NET1: variants seen among roughly 807,000 people sequenced by gnomAD.
The protein encoded by NET1 is neuroepithelial cell-transforming gene 1 protein.
NET1 carries 42 observed loss-of-function variants against 61.1 expected under a neutral mutation model. That is an observed-to-expected ratio of 0.69 (90% CI 0.54 to 0.89). The LOEUF (loss-of-function observed/expected upper bound fraction) is 0.89. Ranked by LOEUF, NET1 falls within the 40% of genes least tolerant of loss-of-function variation. The pLI is 0.00. For synonymous variants in NET1, 254 were observed against 281.8 expected (o/e 0.90, Z 0.99); for missense variants, 654 against 747.3 (o/e 0.88, Z 1.46).
chr10:5,450,570 G>A (rs1832688072), intron 3 of NET1, among the ~76,000 whole-genome samples: 1 of 151,750 alleles, frequency 6.6e-6, no homozygotes, highest in African/African-American at 2.4e-5. Context: ...AGAAAAAGTT[G>A]CTTCTTCTGT....
At position 5,451,503 on chromosome 10, in the gene NET1, C is replaced by T. The variant is rs369606995; in HGVS notation, c.256-327C>T. Reference sequence around the variant, plus strand: ...TTCGAAAATTTTCATAACAATAAGGCTTTTTTTTAAAAAAAAAAAAAGTTA... The same window carrying T: ...TTCGAAAATTTTCATAACAATAAGGTTTTTTTTTAAAAAAAAAAAAAGTTA... On this transcript the variant is annotated intron_variant, in intron 3 of 11. Coordinates refer to ENST00000355029, the MANE Select transcript of NET1 (RefSeq NM_001047160.3). This position sits in a 1 kb window ranked among gnomAD's most constrained non-coding sequence, Gnocchi z 6.1. Among the ~76,000 whole-genome samples the T allele has an allele frequency of 7.6e-6, 1 of 131,364 alleles. No homozygotes were observed. 86.2% of individuals were successfully genotyped at this position (131,364 alleles called of 152,430 possible).
chr10:5,452,577 C>T lies in NET1; in HGVS notation c.531+52C>T. The T allele has an allele frequency of 6.5e-7, 1 of 1,535,580 alleles. No homozygotes were observed. The highest frequency in any genetic ancestry group is 8.8e-7 in the Non-Finnish European group (1 of 1,131,038). On this transcript the variant is annotated intron_variant, in intron 5 of 11. Transcript: ENST00000355029. This position sits in a 1 kb window ranked among gnomAD's most constrained non-coding sequence, Gnocchi z 4.0. ...TTCCCAAAAGAACAGCAAATTGATG[C>T]CGATGGCAAAATTAACTTGGATTTT... is the stretch of plus-strand genomic sequence containing the variant.
intron 3 of NET1, among the ~76,000 whole-genome samples, chr10:5,433,455 A>G (rs1832379650): frequency 6.6e-6 from 1 of 152,142 alleles, no homozygotes; most frequent in Admixed American, 6.5e-5. Flanking sequence ...TTCACAGAAA[A>G]AGTTTGCTGA....
chr10:5,444,273 A>G lies in NET1; in HGVS notation c.256-7557A>G, dbSNP rs1832570448. Reference sequence around the variant, plus strand: ...ACTTTAAAAAATAAACTCAAAGCAGAAAGATGAATTATTACCACATCTCGT... The same window carrying G: ...ACTTTAAAAAATAAACTCAAAGCAGGAAGATGAATTATTACCACATCTCGT... On this transcript the variant is annotated intron_variant, in intron 3 of 11. Coordinates refer to ENST00000355029, the MANE Select transcript of NET1 (RefSeq NM_001047160.3). This position sits in a 1 kb window ranked among gnomAD's most constrained non-coding sequence, Gnocchi z 5.3. Among the ~76,000 whole-genome samples the G allele has an allele frequency of 6.6e-6, 1 of 152,222 alleles. No homozygotes were observed. The highest frequency in any genetic ancestry group is 2.4e-5 in the African/African-American group (1 of 41,458).
chr10:5,433,246 GTTTT>G (rs1832376803), intron 3 of NET1, among the ~76,000 whole-genome samples: 1 of 152,044 alleles, frequency 6.6e-6, no homozygotes, highest in African/African-American at 2.4e-5. Flanking sequence ...GTCCTTTCTA[GTTTT>G]TTTGTTTGTT....
intron 1 of NET1, among the ~76,000 whole-genome samples, chr10:5,413,477 G>T (rs1011948973): frequency 1.3e-5 from 2 of 150,572 alleles, no homozygotes; most frequent in Non-Finnish European, 3.0e-5. Flanking sequence ...CTCGTGTTTG[G>T]CTCAGTGAAA....
chr10:5,455,197 C>T lies in NET1; in HGVS notation c.1197+79C>T, dbSNP rs1832776807. 1 of 1,379,546 alleles carries T rather than the reference C, an allele frequency of 7.2e-7. No individual in the cohort carries two copies. The highest frequency in any genetic ancestry group is 1.4e-5 in the African/African-American group (1 of 69,882). 85.5% of individuals were successfully genotyped at this position (1,379,546 alleles called of 1,614,324 possible). A position where few individuals can be genotyped will look rare whatever the true frequency, so the allele number is the denominator to read the frequency against. On this transcript the variant is annotated intron_variant, in intron 10 of 11. Coordinates refer to ENST00000355029, the MANE Select transcript of NET1 (RefSeq NM_001047160.3). This position sits in a 1 kb window ranked among gnomAD's most constrained non-coding sequence, Gnocchi z 6.5. ...TTTTACACGTTTGTTATGAAGCAGG[C>T]TTGTAAAGGGAAAGTCATGACATAG...
Position 5,415,491 on chromosome 10 carries a change from G to A in NET1, c.128+2671G>A, listed in dbSNP as rs1448198994. ...GTCTCAGTCTGTCACCGGGGCTGGA[G>A]TACAGTGGCATGATCTCGGCTCACT... On this transcript the variant is annotated intron_variant, in intron 1 of 11. Coordinates refer to ENST00000355029, the MANE Select transcript of NET1 (RefSeq NM_001047160.3). This position sits in a 1 kb window ranked among gnomAD's most constrained non-coding sequence, Gnocchi z 4.7. Among the ~76,000 whole-genome samples the A allele has an allele frequency of 1.3e-5, 2 of 151,450 alleles. No homozygotes were observed. The highest frequency in any genetic ancestry group is 4.9e-5 in the African/African-American group (2 of 41,206).
At position 5,431,698 on chromosome 10, in the gene NET1, G is replaced by T. The variant is rs1832352798; in HGVS notation, c.255+2469G>T. Among the ~76,000 whole-genome samples, 1 of 151,850 alleles carries T rather than the reference G, an allele frequency of 6.6e-6. No homozygotes were observed. Among genetic ancestry groups the T allele is most frequent in the Non-Finnish European group, 1.5e-5 (1 of 67,958 alleles). On this transcript the variant is annotated intron_variant, in intron 3 of 11. Coordinates refer to ENST00000355029, the MANE Select transcript of NET1 (RefSeq NM_001047160.3). The surrounding 1 kb of genome is among the most constrained non-coding windows in gnomAD (Gnocchi z 4.9). The stretch of plus-strand genomic sequence containing the variant: ...TTAGCATTCTCTGAAAGTAAGTAAT[G>T]ATTTTTTTTTCTCCTTAGTATTATG...
In NET1 at chr10:5,422,276, G is replaced by A. The variant is rs530483009; in HGVS notation, c.129-4379G>A. Reference sequence around the variant, plus strand: ...CGCTTGAACCCTGGAGGCGGAGGTTGTAGTGAGCCGAGATCGTACCACTGC... The same window carrying A: ...CGCTTGAACCCTGGAGGCGGAGGTTATAGTGAGCCGAGATCGTACCACTGC... On this transcript the variant is annotated intron_variant, in intron 1 of 11. Coordinates refer to ENST00000355029, the MANE Select transcript of NET1 (RefSeq NM_001047160.3). The surrounding 1 kb of genome is among the most constrained non-coding windows in gnomAD (Gnocchi z 4.1). 3.9e-5 allele frequency among the ~76,000 whole-genome samples: 6 copies of A among 151,924 alleles called. No homozygotes were observed. Among genetic ancestry groups the A allele is most frequent in the Middle Eastern group, 3.4e-3 (1 of 292 alleles).
At chr10:5,450,695 C>T (rs796128902) in intron 3 of NET1, among the ~76,000 whole-genome samples, 4 of 152,194 alleles carry the variant, frequency 2.6e-5, no homozygotes, top group African/African-American at 9.6e-5. Flanking sequence ...TTGTCAGAAG[C>T]ACAAAATACA....
At position 5,452,978 on chromosome 10, in the gene NET1, T is replaced by C. The variant is rs1400619167; in HGVS notation, c.594+58T>C. The C allele has an allele frequency of 6.0e-6, 7 of 1,166,124 alleles. No individual in the cohort carries two copies. Among genetic ancestry groups the C allele is most frequent in the Admixed American group, 3.5e-5 (2 of 56,468 alleles). 72.2% of individuals were successfully genotyped at this position (1,166,124 alleles called of 1,614,324 possible). A position where few individuals can be genotyped will look rare whatever the true frequency, so the allele number is the denominator to read the frequency against. On this transcript the variant is annotated intron_variant, in intron 6 of 11. Coordinates refer to ENST00000355029, the MANE Select transcript of NET1 (RefSeq NM_001047160.3). The surrounding 1 kb of genome is among the most constrained non-coding windows in gnomAD (Gnocchi z 4.0). ...TTTTTAAAAATTACATTTCACAAAA[T>C]CTAAAGGATAGTTTTCTTAACCTTT...
chr10:5,417,234 T>C lies in NET1; in HGVS notation c.128+4414T>C, dbSNP rs1389618534. On this transcript the variant is annotated intron_variant, in intron 1 of 11. Coordinates refer to ENST00000355029, the MANE Select transcript of NET1 (RefSeq NM_001047160.3). This position sits in a 1 kb window ranked among gnomAD's most constrained non-coding sequence, Gnocchi z 5.5. ...ACATCCAGCCACCTGTGTGTCTGCCTGCTAGGGTCTCGGGGGGTTTTTATA... is the reference window on the plus strand; with the variant it reads ...ACATCCAGCCACCTGTGTGTCTGCCCGCTAGGGTCTCGGGGGGTTTTTATA... 2.0e-5 allele frequency among the ~76,000 whole-genome samples: 3 copies of C among 151,914 alleles called. No individual in the cohort carries two copies. The highest frequency in any genetic ancestry group is 7.3e-5 in the African/African-American group (3 of 41,342).
intron 1 of NET1, among the ~76,000 whole-genome samples, chr10:5,413,755 G>A (rs1832038998): frequency 6.6e-6 from 1 of 152,200 alleles, no homozygotes; most frequent in Non-Finnish European, 1.5e-5. Flanking sequence ...ATCGAACTTA[G>A]AGTGTTTTGC....
chr10:5,431,161 G>A lies in NET1; in HGVS notation c.255+1932G>A, dbSNP rs979854786. 1.4e-4 allele frequency among the ~76,000 whole-genome samples: 22 copies of A among 152,056 alleles called. No homozygotes were observed. The highest frequency in any genetic ancestry group is 4.1e-4 in the African/African-American group (17 of 41,394). ...GCTGGGATTACAGGCGTGAGCCACC[G>A]CGCCCGGCCTTAACTATATCTCTTA... is the stretch of plus-strand genomic sequence containing the variant. On this transcript the variant is annotated intron_variant, in intron 3 of 11. Transcript: ENST00000355029. The surrounding 1 kb of genome is among the most constrained non-coding windows in gnomAD (Gnocchi z 4.9).
chr10:5,453,306 T>C lies in NET1; in HGVS notation c.651T>C (p.His217=). The C allele has an allele frequency of 6.2e-7, 1 of 1,612,760 alleles. No homozygotes were observed. Among genetic ancestry groups the C allele is most frequent in the Non-Finnish European group, 8.5e-7 (1 of 1,178,782 alleles). Residue 217 remains histidine, a synonymous_variant, in exon 7 of 12, where the codon CAT becomes CAC. Coordinates refer to ENST00000355029, the MANE Select transcript of NET1 (RefSeq NM_001047160.3). The surrounding 1 kb of genome is among the most constrained non-coding windows in gnomAD (Gnocchi z 4.9). ...LSIMSEEELT[H]IFGDLDSYIP... is the part of the protein sequence containing the mutation. ...TCATGTCAGAAGAGGAACTCACACA[T>C]ATATTTGGTGATCTGGACTCTTACA...
intron 1 of NET1, among the ~76,000 whole-genome samples, 195 bp downstream of exon 1, chr10:5,413,015 T>C (rs1198525390): frequency 8.0e-5 from 1 of 12,518 alleles, no homozygotes. Context: ...GAGTGGGGGG[T>C]GGGGGAGGTG....
In NET1 at chr10:5,451,772, T is replaced by C; in HGVS notation, c.256-58T>C. 7.3e-7 allele frequency: 1 copy of C among 1,369,712 alleles called. No homozygotes were observed. Among genetic ancestry groups the C allele is most frequent in the Non-Finnish European group, 1.0e-6 (1 of 975,470 alleles). 84.8% of individuals were successfully genotyped at this position (1,369,712 alleles called of 1,614,324 possible). On this transcript the variant is annotated intron_variant, in intron 3 of 11. Transcript: ENST00000355029. The surrounding 1 kb of genome is among the most constrained non-coding windows in gnomAD (Gnocchi z 6.1). ...TGAGAGGGCTTTACTTTGTCCAAGT[T>C]TGTATGAAATCATTGCACCTAGACA...
intron 3 of NET1, among the ~76,000 whole-genome samples, chr10:5,450,013 T>C (rs1453524340): frequency 3.1e-4 from 47 of 152,208 alleles, no homozygotes; most frequent in Admixed American, 3.0e-3. Context: ...CTCTTTGTGC[T>C]GTCTTTACTA....
Sources: allele counts gnomAD v4.1 joint callset (sites outside exome capture counted in the v4.1 genomes callset), GRCh38; gene constraint gnomAD v4.1.1; non-coding constraint Gnocchi (gnomAD v3.1); transcripts MANE v1.5; gene names NCBI Gene and HGNC (gene_info 2026-07-23, HGNC 2026-07-21).